Variants in SLC44A5 observed in about 807,000 individuals in gnomAD.
SLC44A5 encodes the protein choline transporter-like protein 5.
In SLC44A5, 57 loss-of-function variants were observed where a neutral mutation model predicts 101.8. The ratio of observed to expected loss-of-function variants is 0.56; its 90% CI spans 0.45 to 0.70. SLC44A5 has a LOEUF of 0.70. Among genes scored for constraint, SLC44A5 ranks in the 30% least tolerant of loss-of-function variants. The probability of loss-of-function intolerance (pLI) is 0.00; values close to 1 mark genes in which losing one functional copy is unlikely to be tolerated. For synonymous variants in SLC44A5, 281 were observed against 290.9 expected (o/e 0.97, Z 0.35); for missense variants, 737 against 853.1 (o/e 0.86, Z 1.70).
chr1:75,221,268 C>A (rs940830258), intron 14 of SLC44A5, among the ~76,000 whole-genome samples: 2 of 152,122 alleles, frequency 1.3e-5, no homozygotes, highest in Admixed American at 6.5e-5. Flanking sequence ...GGTTCTTGGT[C>A]ATTAACAATG....
At chr1:75,421,664 A>G (rs1211083039) in intron 2 of SLC44A5, among the ~76,000 whole-genome samples, 2 of 152,168 alleles carry the variant, frequency 1.3e-5, no homozygotes, top group Non-Finnish European at 2.9e-5. Context: ...ACAGCTCTCA[A>G]AGAGCTAATT....
At chr1:75,618,431 G>A in the SLC44A5 span, among the ~76,000 whole-genome samples, 1 of 152,178 alleles carries the variant, frequency 6.6e-6, no homozygotes, top group Admixed American at 6.5e-5. Flanking sequence ...TTCCCCTATA[G>A]CCCACACTGT....
At chr1:75,350,430 TTA>T (rs1217685614) in intron 3 of SLC44A5, among the ~76,000 whole-genome samples, 1 of 151,832 alleles carries the variant, frequency 6.6e-6, no homozygotes, top group East Asian at 1.9e-4. Flanking sequence ...CTATACAGTA[TTA>T]TGTTATAGCA....
the SLC44A5 span, among the ~76,000 whole-genome samples, chr1:75,716,989 G>A: frequency 7.2e-3 from 1,088 of 151,484 alleles, 8 homozygotes; most frequent in South Asian, 0.018. Context: ...AGCCGAGATC[G>A]CGCCACTGCA....
chr1:75,216,645 A>G (rs1323746144), intron 18 of SLC44A5, among the ~76,000 whole-genome samples: 1 of 151,870 alleles, frequency 6.6e-6, no homozygotes, highest in Non-Finnish European at 1.5e-5. Context: ...TATATATAAT[A>G]GCCATTCTAA....
In SLC44A5 at chr1:75,242,983, A is replaced by C. The variant is rs1411642745; in HGVS notation, c.374T>G (p.Phe125Cys). The C allele has an allele frequency of 1.2e-6, 2 of 1,612,350 alleles. No homozygotes were observed. The highest frequency in any genetic ancestry group is 8.5e-7 in the Non-Finnish European group (1 of 1,179,122). ...QICVSKCPEK[F>C]LTYVEMQLLY... ...AAGTTGCATTTCCACATAGGTTAAA[A>C]ATTTTTCTGGGCACTTGGAGACACA... The change falls in exon 8 of 24, where the codon TTT (phenylalanine) becomes TGT (cysteine). Residue 125 changes from phenylalanine to cysteine, a missense_variant. Around this residue, in one of 3 missense-constraint regions of SLC44A5, gnomAD observed 665 missense variants for 764.4 expected, o/e 0.87. Transcript: ENST00000370859.
intron 2 of SLC44A5, among the ~76,000 whole-genome samples, chr1:75,500,236 A>G (rs1403366385): frequency 1.3e-5 from 2 of 152,236 alleles, no homozygotes; most frequent in South Asian, 2.1e-4. Context: ...ATCACAATCA[A>G]TACTGAAAGT....
At position 75,359,047 on chromosome 1, in the gene SLC44A5, T is replaced by C. The variant is rs575188804; in HGVS notation, c.53-19417A>G. ...ACCATTCTACTCTCTCTTTTATGAG[T>C]TTGACATTTTGAGATTGCCCATGTA... is the stretch of plus-strand genomic sequence containing the variant. On this transcript the variant is annotated intron_variant, in intron 3 of 23. Transcript: ENST00000370859. Among the ~76,000 whole-genome samples, 197 of 152,124 alleles carry C rather than the reference T, an allele frequency of 1.3e-3. 1 individual carries two copies. Among genetic ancestry groups the C allele is most frequent in the African/African-American group, 4.5e-3 (185 of 41,522 alleles).
intron 2 of SLC44A5, among the ~76,000 whole-genome samples, chr1:75,414,145 T>C (rs1393058038): frequency 1.3e-5 from 2 of 152,114 alleles, no homozygotes; most frequent in African/African-American, 4.8e-5. Flanking sequence ...AAACATCCTG[T>C]GCTCAAAATG....
intron 2 of SLC44A5, among the ~76,000 whole-genome samples, chr1:75,430,955 A>T (rs1464684632): frequency 6.6e-6 from 1 of 152,228 alleles, no homozygotes; most frequent in Non-Finnish European, 1.5e-5. Context: ...GCATTAAAAC[A>T]TACCAACAAC....
intron 3 of SLC44A5, among the ~76,000 whole-genome samples, chr1:75,376,275 T>G (rs1423805778): frequency 6.6e-6 from 1 of 152,204 alleles, no homozygotes; most frequent in African/African-American, 2.4e-5. Context: ...CGCCCGCCAT[T>G]GCCCAGGCTT....
chr1:75,682,002 T>A, the SLC44A5 span, among the ~76,000 whole-genome samples: 438 of 151,918 alleles, frequency 2.9e-3, 5 homozygotes, highest in African/African-American at 0.01. Flanking sequence ...CTCCCATTCA[T>A]AATTGCTTCA....
chr1:75,299,894 T>C (rs1279059926), intron 5 of SLC44A5, among the ~76,000 whole-genome samples: 1 of 151,098 alleles, frequency 6.6e-6, no homozygotes, highest in Non-Finnish European at 1.5e-5. Context: ...TGCATGCCTG[T>C]AATCCCAGCT....
intron 12 of SLC44A5, among the ~76,000 whole-genome samples, chr1:75,229,243 C>T (rs188922426): frequency 3.9e-4 from 60 of 152,126 alleles, no homozygotes; most frequent in Non-Finnish European, 7.1e-4. Context: ...TCTTGCCTCA[C>T]CATGGTCTAT....
the SLC44A5 span, among the ~76,000 whole-genome samples, chr1:75,656,766 A>T: frequency 6.6e-6 from 1 of 152,200 alleles, no homozygotes; most frequent in African/African-American, 2.4e-5. Flanking sequence ...AAAGGAGGAG[A>T]GAAATTCTAA....
chr1:75,568,492 G>GACTGGCCCAGATACAGGAAACAGA (rs2102028675), intron 1 of SLC44A5, among the ~76,000 whole-genome samples: 1 of 152,256 alleles, frequency 6.6e-6, no homozygotes, highest in African/African-American at 2.4e-5. Context: ...CAGGAAACAG[G>GACTGGCCCAGATACAGGAAACAGA]CCTTTTTTTC....
chr1:75,635,835 A>G, the SLC44A5 span, among the ~76,000 whole-genome samples: 3 of 152,060 alleles, frequency 2.0e-5, no homozygotes, highest in South Asian at 6.2e-4. Context: ...GCAAGCTCTG[A>G]TTTACACTCA....
chr1:75,506,907 C>CTTTTTTTT (rs61554987), intron 2 of SLC44A5, among the ~76,000 whole-genome samples: 86 of 68,764 alleles, frequency 1.3e-3, no homozygotes, highest in African/African-American at 2.5e-3. Context: ...TATTCCTATT[C>CTTTTTTTT]TTTTTTTTTT....
intron 2 of SLC44A5, among the ~76,000 whole-genome samples, chr1:75,438,727 T>C (rs547100597): frequency 3.9e-5 from 6 of 152,116 alleles, no homozygotes. Context: ...GGACTCTTTC[T>C]GAAGAAAAGC....
Sources: allele counts gnomAD v4.1 joint callset (sites outside exome capture counted in the v4.1 genomes callset), GRCh38; gene constraint gnomAD v4.1.1; regional missense constraint gnomAD v4.1.1; transcripts MANE v1.5; gene names NCBI Gene and HGNC (gene_info 2026-07-23, HGNC 2026-07-21).